PRIM2: variants seen among roughly 807,000 people sequenced by gnomAD.
PRIM2 encodes DNA primase subunit 2, also known as DNA primase large subunit.
PRIM2 carries 39 observed loss-of-function variants against 67.3 expected under a neutral mutation model. That is an observed-to-expected ratio of 0.58 (90% CI 0.45 to 0.76). The LOEUF is 0.76. PRIM2 is among the 30% of genes least tolerant of loss of function. The probability of loss-of-function intolerance (pLI) is 0.00; values close to 1 mark genes in which losing one functional copy is unlikely to be tolerated. For synonymous variants in PRIM2, 143 were observed against 198.7 expected (o/e 0.72, Z 2.36); for missense variants, 398 against 598.7 (o/e 0.66, Z 3.50).
intron 5 of PRIM2, among the ~76,000 whole-genome samples, chr6:57,331,110 C>T (rs1768043919): frequency 6.6e-6 from 1 of 151,692 alleles, no homozygotes; most frequent in Admixed American, 6.6e-5. Flanking sequence ...ATTGTTTGAA[C>T]CCGGGAGGTG....
intron 7 of PRIM2, among the ~76,000 whole-genome samples, chr6:57,504,332 A>T (rs2127458703): frequency 6.6e-6 from 1 of 152,270 alleles, no homozygotes; most frequent in East Asian, 1.9e-4. Flanking sequence ...TAGTTGGTAA[A>T]ATGCATTATT....
intron 8 of PRIM2, among the ~76,000 whole-genome samples, chr6:57,523,381 A>G (rs1474713245): frequency 1.3e-5 from 2 of 152,166 alleles, no homozygotes; most frequent in Admixed American, 6.5e-5. Flanking sequence ...ACGCTTCTCT[A>G]TTTATTGCCT....
At chr6:57,263,947 C>T in the PRIM2 span, among the ~76,000 whole-genome samples, 2 of 152,178 alleles carry the variant, frequency 1.3e-5, no homozygotes, top group Non-Finnish European at 2.9e-5. Context: ...CAGACTAGAG[C>T]GTGCTGCCAC....
chr6:57,592,532 C>T lies in PRIM2; in HGVS notation c.1021-8561C>T, dbSNP rs1490979770. ...GTAGTAGGCCAGGCGTGATGGCTCA[C>T]GCCTGTAATCTCAGCACTTTGGGAG... is the stretch of plus-strand genomic sequence containing the variant. On this transcript the variant is annotated intron_variant, in intron 10 of 13. Coordinates refer to ENST00000615550, the MANE Select transcript of PRIM2 (RefSeq NM_000947.5). Among the ~76,000 whole-genome samples, 16 of 152,128 alleles carry T rather than the reference C, an allele frequency of 1.1e-4. No individual in the cohort carries two copies. In the East Asian group the frequency reaches 2.7e-3, roughly 26 times the overall value.
At chr6:57,274,321 G>A in the PRIM2 span, among the ~76,000 whole-genome samples, 4 of 152,224 alleles carry the variant, frequency 2.6e-5, no homozygotes, top group Middle Eastern at 6.8e-3. Context: ...TCAAGTCTCG[G>A]CAATGGCGGG....
intron 8 of PRIM2, among the ~76,000 whole-genome samples, chr6:57,522,782 T>C (rs1409287959): frequency 6.6e-6 from 1 of 152,250 alleles, no homozygotes; most frequent in Non-Finnish European, 1.5e-5. Flanking sequence ...TTAAGCTACA[T>C]TTCAAGTGCT....
chr6:57,306,610 A>G, the PRIM2 span, among the ~76,000 whole-genome samples: 27 of 152,192 alleles, frequency 1.8e-4, no homozygotes, highest in Non-Finnish European at 3.7e-4. Context: ...TAACAAGTAT[A>G]TTTGCTGTGG....
At chr6:57,330,224 T>G (rs1768005612) in intron 5 of PRIM2, among the ~76,000 whole-genome samples, 1 of 152,162 alleles carries the variant, frequency 6.6e-6, no homozygotes, top group African/African-American at 2.4e-5. Flanking sequence ...ACCTAAATAT[T>G]CTTCAATGTT....
intron 7 of PRIM2, among the ~76,000 whole-genome samples, chr6:57,478,061 T>C (rs1166784710): frequency 6.6e-6 from 1 of 152,218 alleles, no homozygotes; most frequent in South Asian, 2.1e-4. Context: ...CCCGTAATAC[T>C]ATGAGGTGTA....
chr6:57,553,421 A>G (rs1775443468), intron 10 of PRIM2, among the ~76,000 whole-genome samples: 1 of 152,028 alleles, frequency 6.6e-6, no homozygotes, highest in Non-Finnish European at 1.5e-5. Context: ...TTAAAAAAAC[A>G]TGAATCCAGG....
intron 7 of PRIM2, among the ~76,000 whole-genome samples, chr6:57,398,287 A>C (rs902091094): frequency 4.6e-5 from 7 of 152,098 alleles, no homozygotes; most frequent in Admixed American, 2.0e-4. Context: ...GTGGCTATTT[A>C]GTGCTATGAA....
At chr6:57,279,682 T>C in the PRIM2 span, among the ~76,000 whole-genome samples, 1 of 152,232 alleles carries the variant, frequency 6.6e-6, no homozygotes, top group African/African-American at 2.4e-5. Context: ...GTGGAGGTTC[T>C]ACTATGTGCT....
intron 5 of PRIM2, among the ~76,000 whole-genome samples, chr6:57,334,823 T>C (rs1768168764): frequency 6.6e-6 from 1 of 151,830 alleles, no homozygotes; most frequent in Admixed American, 6.6e-5. Context: ...AAGTTCGGAG[T>C]CAATTAGATT....
intron 7 of PRIM2, among the ~76,000 whole-genome samples, chr6:57,475,361 C>T (rs1773452359): frequency 1.3e-5 from 2 of 152,180 alleles, no homozygotes; most frequent in Non-Finnish European, 2.9e-5. Flanking sequence ...CTTTCATCCC[C>T]AATCTACCCA....
At chr6:57,637,630 T>C (rs1456796893) in intron 13 of PRIM2, among the ~76,000 whole-genome samples, 3 of 152,004 alleles carry the variant, frequency 2.0e-5, no homozygotes, top group Non-Finnish European at 2.9e-5. Flanking sequence ...TGTAGTCGAA[T>C]TGACAAGCGG....
chr6:57,449,358 G>A (rs1248243660), intron 7 of PRIM2, among the ~76,000 whole-genome samples: 2,051 of 152,214 alleles, frequency 0.013, 43 homozygotes, highest in African/African-American at 0.046. Flanking sequence ...TTACTTTATT[G>A]TTGTTCTTAG....
intron 5 of PRIM2, among the ~76,000 whole-genome samples, chr6:57,366,837 A>C (rs1769378453): frequency 6.6e-6 from 1 of 152,196 alleles, no homozygotes; most frequent in Non-Finnish European, 1.5e-5. Context: ...GCTAGGGTGG[A>C]GGAAAAAGGA....
chr6:57,599,814 G>T (rs1776428255), intron 10 of PRIM2, among the ~76,000 whole-genome samples: 1 of 152,210 alleles, frequency 6.6e-6, no homozygotes, highest in Non-Finnish European at 1.5e-5. Context: ...GATGGTTAGT[G>T]ACTTTTTAAA....
At chr6:57,422,547 A>G (rs1157485607) in intron 7 of PRIM2, among the ~76,000 whole-genome samples, 4 of 152,192 alleles carry the variant, frequency 2.6e-5, no homozygotes, top group African/African-American at 9.6e-5. Context: ...GTATTATTAC[A>G]TATCACAGAA....
Sources: allele counts gnomAD v4.1 joint callset (sites outside exome capture counted in the v4.1 genomes callset), GRCh38; gene constraint gnomAD v4.1.1; transcripts MANE v1.5; gene names NCBI Gene and HGNC (gene_info 2026-07-23, HGNC 2026-07-21).